ERC1: variants seen among roughly 807,000 people sequenced by gnomAD.
ERC1 encodes ELKS/RAB6-interacting/CAST family member 1.
In ERC1, 56 loss-of-function variants were observed where a neutral mutation model predicts 132.0. The observed-to-expected ratio is 0.42, with a 90% CI of 0.34 to 0.53. ERC1 has a LOEUF of 0.53. ERC1 is among the 20% of genes least tolerant of loss of function. ERC1 has a pLI of 0.03. For synonymous variants in ERC1, 478 were observed against 476.1 expected, an observed-to-expected ratio of 1.00 and a Z score of -0.05; for missense variants, 1,202 against 1,349.9, an observed-to-expected ratio of 0.89 and a Z score of 1.72.
At chr12:1,245,554 T>C (rs928017316) in intron 13 of ERC1, among the ~76,000 whole-genome samples, 1 of 152,230 alleles carries the variant, frequency 6.6e-6, no homozygotes, top group African/African-American at 2.4e-5. Flanking sequence ...CTTTGAATAC[T>C]TCAGATAGTA....
intron 2 of ERC1, among the ~76,000 whole-genome samples, chr12:1,040,497 G>A (rs1157689342): frequency 6.6e-6 from 1 of 151,530 alleles, no homozygotes; most frequent in African/African-American, 2.4e-5. Context: ...TAGTGGAGAC[G>A]GGATTTCACC....
At chr12:1,462,823 TA>T (rs1220865838) in intron 18 of ERC1, among the ~76,000 whole-genome samples, 4 of 152,010 alleles carry the variant, frequency 2.6e-5, no homozygotes, top group Non-Finnish European at 5.9e-5. Flanking sequence ...TGGCAACGTT[TA>T]AAAAAAATAC....
At chr12:1,179,567 G>A (rs958712671) in intron 8 of ERC1, among the ~76,000 whole-genome samples, 2 of 146,020 alleles carry the variant, frequency 1.4e-5, no homozygotes, top group Non-Finnish European at 3.0e-5. Flanking sequence ...GAGTGCAGTG[G>A]CGGGATCTCG....
intron 17 of ERC1, chr12:1,430,343 C>A (rs2092756910): frequency 6.6e-6 from 1 of 152,124 alleles, no homozygotes; most frequent in Non-Finnish European, 1.5e-5. Flanking sequence ...GGCTTAGGCA[C>A]CACTTTTTGA....
intron 15 of ERC1, among the ~76,000 whole-genome samples, chr12:1,355,325 T>C (rs1279433351): frequency 6.6e-6 from 1 of 152,134 alleles, no homozygotes; most frequent in African/African-American, 2.4e-5. Context: ...TATTATTTTC[T>C]TTTTTTTCAA....
intron 12 of ERC1, among the ~76,000 whole-genome samples, chr12:1,231,267 A>G (rs1184890542): frequency 6.6e-6 from 1 of 152,088 alleles, no homozygotes; most frequent in Non-Finnish European, 1.5e-5. Flanking sequence ...TAAGGTTGTA[A>G]TAACTAAACT....
At chr12:1,156,594 A>T (rs914304402) in intron 8 of ERC1, among the ~76,000 whole-genome samples, 4 of 152,186 alleles carry the variant, frequency 2.6e-5, no homozygotes, top group Non-Finnish European at 1.5e-5. Context: ...TCATGAGTTG[A>T]TATTGTATGC....
intron 16 of ERC1, among the ~76,000 whole-genome samples, chr12:1,385,520 G>A (rs933325151): frequency 2.6e-5 from 4 of 152,204 alleles, no homozygotes; most frequent in South Asian, 4.1e-4. Flanking sequence ...TCCTGACCTC[G>A]TGATAACGCC....
chr12:1,300,439 AAAAC>A (rs145702167), intron 15 of ERC1, among the ~76,000 whole-genome samples: 10,154 of 152,236 alleles, frequency 0.067, 432 homozygotes, highest in East Asian at 0.13. Context: ...TGTTGCAACA[AAAAC>A]AAACAATGAC....
At chr12:1,098,248 A>C (rs1360597404) in intron 3 of ERC1, among the ~76,000 whole-genome samples, 1 of 152,222 alleles carries the variant, frequency 6.6e-6, no homozygotes, top group Admixed American at 6.5e-5. Flanking sequence ...TAATTTTATG[A>C]TAGTTTATGA....
intron 14 of ERC1, among the ~76,000 whole-genome samples, chr12:1,279,637 G>T (rs2078524863): frequency 6.7e-6 from 1 of 150,154 alleles, no homozygotes; most frequent in Non-Finnish European, 1.5e-5. Context: ...GAAGTCTATG[G>T]ATACTGGTTT....
chr12:1,467,429 C>T (rs1412326662), intron 18 of ERC1, among the ~76,000 whole-genome samples: 7 of 152,106 alleles, frequency 4.6e-5, no homozygotes, highest in Admixed American at 2.6e-4. Context: ...GGGAGGGACC[C>T]AATGGCCAGA....
chr12:1,128,416 A>G (rs1194063398), intron 7 of ERC1, among the ~76,000 whole-genome samples: 3 of 152,120 alleles, frequency 2.0e-5, no homozygotes, highest in African/African-American at 4.8e-5. Flanking sequence ...TTTAATTTTT[A>G]TAGAGACAGA....
At chr12:1,424,852 A>C (rs60722758) in intron 17 of ERC1, among the ~76,000 whole-genome samples, 2,123 of 121,152 alleles carry the variant, frequency 0.018, 26 homozygotes, top group Middle Eastern at 0.047. Flanking sequence ...GATGATAGAT[A>C]GATAGATAGA....
intron 18 of ERC1, among the ~76,000 whole-genome samples, chr12:1,489,133 C>G (rs1365719248): frequency 6.6e-6 from 1 of 152,206 alleles, no homozygotes; most frequent in Non-Finnish European, 1.5e-5. Context: ...CATTCTCCAC[C>G]CACTCCCTGT....
intron 15 of ERC1, among the ~76,000 whole-genome samples, chr12:1,350,521 A>G (rs951723690): frequency 6.6e-6 from 1 of 152,202 alleles, no homozygotes; most frequent in Admixed American, 6.5e-5. Context: ...AATGGCAAAT[A>G]TGTAAGCCAC....
chr12:1,174,331 A>G (rs947346522), intron 8 of ERC1, among the ~76,000 whole-genome samples: 2 of 152,200 alleles, frequency 1.3e-5, no homozygotes, highest in African/African-American at 2.4e-5. Flanking sequence ...TCCTTTCACT[A>G]TGAAATGTTT....
intron 13 of ERC1, among the ~76,000 whole-genome samples, chr12:1,237,287 C>G (rs2075484009): frequency 6.6e-6 from 1 of 151,948 alleles, no homozygotes; most frequent in Admixed American, 6.6e-5. Context: ...TTTTTCTATT[C>G]TTCCTTTCTC....
intron 1 of ERC1, among the ~76,000 whole-genome samples, chr12:1,003,306 C>T (rs1027661516): frequency 6.6e-5 from 10 of 152,054 alleles, no homozygotes; most frequent in African/African-American, 2.4e-4. Context: ...TGCAGTATTA[C>T]ACATCTTTTG....
Sources: allele counts gnomAD v4.1 joint callset (sites outside exome capture counted in the v4.1 genomes callset), GRCh38; gene constraint gnomAD v4.1.1; transcripts MANE v1.5; gene names NCBI Gene and HGNC (gene_info 2026-07-23, HGNC 2026-07-21).